TTC7B: variants seen among roughly 807,000 people sequenced by gnomAD.
The protein encoded by TTC7B is tetratricopeptide repeat domain 7B, also known as tetratricopeptide repeat protein 7B.
A neutral mutation model predicts 106.8 loss-of-function variants in TTC7B; 28 were observed. The ratio of observed to expected loss-of-function variants is 0.26; its 90% CI spans 0.19 to 0.36. The LOEUF is 0.36. Among genes scored for constraint, TTC7B ranks in the 10% least tolerant of loss-of-function variants. The pLI is 1.00. For missense variants in TTC7B, 862 were observed against 1,076.4 expected, an observed-to-expected ratio of 0.80 and a Z score of 2.79; for synonymous variants, 405 against 430.6, an observed-to-expected ratio of 0.94 and a Z score of 0.74.
intron 9 of TTC7B, among the ~76,000 whole-genome samples, chr14:90,673,063 CTAGAG>C (rs1327493252): frequency 6.6e-6 from 1 of 152,186 alleles, no homozygotes; most frequent in Non-Finnish European, 1.5e-5. Context: ...CTCTCTGACT[CTAGAG>C]CCTGTGACAC....
chr14:90,553,827 G>A (rs191822013), intron 19 of TTC7B, among the ~76,000 whole-genome samples: 6 of 152,322 alleles, frequency 3.9e-5, no homozygotes, highest in Admixed American at 2.0e-4. Flanking sequence ...TGAAGGCTCC[G>A]TTAAGCCCCA....
In TTC7B at chr14:90,539,712, T is replaced by A. The variant is rs1488544545; in HGVS notation, c.*1656A>T. On this transcript the variant is annotated 3_prime_UTR_variant, in exon 20 of 20. Coordinates refer to ENST00000328459, the MANE Select transcript of TTC7B (RefSeq NM_001010854.2). ...TGGAAAGGTGGGGCCACCCTACAGC[T>A]GTCCCTGAGAGACTGCAGATACCTG... 2.6e-5 allele frequency: 4 copies of A among 152,362 alleles called. No homozygotes were observed. The highest frequency in any genetic ancestry group is 5.9e-5 in the Non-Finnish European group (4 of 68,146). The allele number at this position is 152,362 out of a possible 1,614,324, so 9.4% of individuals were successfully genotyped here. A position where few individuals can be genotyped will look rare whatever the true frequency, so the allele number is the denominator to read the frequency against.
chr14:90,720,371 T>A (rs914637415), intron 5 of TTC7B, among the ~76,000 whole-genome samples: 1 of 152,218 alleles, frequency 6.6e-6, no homozygotes, highest in African/African-American at 2.4e-5. Flanking sequence ...TATAACGATC[T>A]GATTTCTCTC....
At chr14:90,793,695 A>G (rs28862994) in intron 1 of TTC7B, among the ~76,000 whole-genome samples, 105,411 of 147,730 alleles carry the variant, frequency 0.71, 41,227 homozygotes, top group Non-Finnish European at 0.87. Context: ...CGCAACCTCC[A>G]CCTCCTGGGT....
At chr14:90,566,420 A>G (rs1452020251) in intron 19 of TTC7B, among the ~76,000 whole-genome samples, 1 of 152,164 alleles carries the variant, frequency 6.6e-6, no homozygotes, top group Non-Finnish European at 1.5e-5. Flanking sequence ...GTAAAAAATG[A>G]GTATCTGCAA....
chr14:90,742,027 A>C lies in TTC7B; in HGVS notation c.576+2765T>G, dbSNP rs1053941493. 6.6e-6 allele frequency among the ~76,000 whole-genome samples: 1 copy of C among 152,206 alleles called. No homozygotes were observed. The highest frequency in any genetic ancestry group is 1.5e-5 in the Non-Finnish European group (1 of 68,038). ...CCTTAGGCTAAAGAAGCTGCTTCCCAAATGCTACCAAAAGCTAAAGCTTAC... is the reference window on the plus strand; with the variant it reads ...CCTTAGGCTAAAGAAGCTGCTTCCCCAATGCTACCAAAAGCTAAAGCTTAC... On this transcript the variant is annotated intron_variant, in intron 4 of 19. Transcript: ENST00000328459. The surrounding 1 kb of genome is among the most constrained non-coding windows in gnomAD (Gnocchi z 4.1).
At chr14:90,692,950 C>T (rs1887532505) in intron 6 of TTC7B, among the ~76,000 whole-genome samples, 1 of 151,746 alleles carries the variant, frequency 6.6e-6, no homozygotes, top group Non-Finnish European at 1.5e-5. Context: ...GTTGTCCATC[C>T]TGTCTCACCC....
chr14:90,611,908 A>G (rs1160341909), intron 16 of TTC7B, among the ~76,000 whole-genome samples: 1 of 152,208 alleles, frequency 6.6e-6, no homozygotes, highest in South Asian at 2.1e-4. Context: ...TGAATCTTCA[A>G]TGCTTTTCTT....
chr14:90,729,293 T>C (rs1452973925), intron 5 of TTC7B, among the ~76,000 whole-genome samples: 1 of 152,208 alleles, frequency 6.6e-6, no homozygotes, highest in East Asian at 1.9e-4. Flanking sequence ...AGCAACTCCA[T>C]TGTTCATTTT....
In TTC7B at chr14:90,780,470, A is replaced by AAAAGAAAG. The variant is rs34296215; in HGVS notation, c.445+260_445+267dup. ...AGGAAAGAAAAGAAAGAAAGAAAGA[A>AAAAGAAAG]AAAGAAAGAAAGAAAGAAAGGAAAG... On this transcript the variant is annotated intron_variant, in intron 3 of 19. Coordinates refer to ENST00000328459, the MANE Select transcript of TTC7B (RefSeq NM_001010854.2). Among the ~76,000 whole-genome samples, 1,462 of 146,468 alleles carry AAAAGAAAG rather than the reference A, an allele frequency of 1.0e-2. 43 individuals are homozygous for AAAAGAAAG. The highest frequency in any genetic ancestry group is 0.035 in the African/African-American group (1,320 of 38,034).
intron 7 of TTC7B, among the ~76,000 whole-genome samples, chr14:90,689,317 G>A (rs574293868): frequency 6.6e-6 from 1 of 152,332 alleles, no homozygotes; most frequent in Non-Finnish European, 1.5e-5. Flanking sequence ...CCCAAGCACT[G>A]AGATGAGAGC....
chr14:90,727,129 G>T (rs939867059), intron 5 of TTC7B, among the ~76,000 whole-genome samples: 2 of 152,192 alleles, frequency 1.3e-5, no homozygotes, highest in Admixed American at 6.5e-5. Context: ...AGGAGAAAGA[G>T]ATGCTTTGTG....
At chr14:90,694,739 T>C in intron 6 of TTC7B, among the ~76,000 whole-genome samples, 1 of 128,314 alleles carries the variant, frequency 7.8e-6, no homozygotes, top group Admixed American at 8.6e-5. Context: ...TTATATACAT[T>C]TTATTTTATA....
chr14:90,715,031 G>C lies in TTC7B; in HGVS notation c.698+15044C>G, dbSNP rs548667654. 4.6e-5 allele frequency among the ~76,000 whole-genome samples: 7 copies of C among 152,204 alleles called. No homozygotes were observed. In the South Asian group the frequency reaches 1.5e-3, roughly 32 times the overall value. ...TGAGTCAGTTTCAAGTCATCAGAAG[G>C]GCCTGACTGCTCTGGCCCCTTAGAC... On this transcript the variant is annotated intron_variant, in intron 5 of 19. Coordinates refer to ENST00000328459, the MANE Select transcript of TTC7B (RefSeq NM_001010854.2).
intron 15 of TTC7B, chr14:90,642,570 C>G (rs1302447109): frequency 6.6e-6 from 1 of 152,192 alleles, no homozygotes; most frequent in Non-Finnish European, 1.5e-5. Context: ...AACCTTCCAG[C>G]GTGCAGGAAT....
intron 19 of TTC7B, among the ~76,000 whole-genome samples, chr14:90,568,795 AG>A (rs1890901896): frequency 6.6e-6 from 1 of 152,218 alleles, no homozygotes; most frequent in African/African-American, 2.4e-5. Context: ...GTAACCAAAC[AG>A]GAGTCATGTG....
chr14:90,548,387 T>C (rs1889927697), intron 19 of TTC7B, among the ~76,000 whole-genome samples: 2 of 152,192 alleles, frequency 1.3e-5, no homozygotes, highest in South Asian at 4.1e-4. Context: ...CTTAAGGCAG[T>C]GTTGTCAGGT....
At position 90,802,978 on chromosome 14, in the gene TTC7B, A is replaced by AAG. The variant is rs1294248756; in HGVS notation, c.121+13196_121+13197insCT. ...GAAACCCCATCTCTGCTAAAAAAAA[A>AAG]AAAAAATACAAAAAATTAGCTGGAT... On this transcript the variant is annotated intron_variant, in intron 1 of 19. Transcript: ENST00000328459. The surrounding 1 kb of genome is among the most constrained non-coding windows in gnomAD (Gnocchi z 4.7). Among the ~76,000 whole-genome samples the AAG allele has an allele frequency of 6.6e-6, 1 of 151,352 alleles. No homozygotes were observed. The highest frequency in any genetic ancestry group is 1.9e-4 in the East Asian group (1 of 5,148).
rs1349771728 is a variant in TTC7B at position 90,525,324 on chromosome 14, G to T, written c.*16044C>A. On this transcript the variant is annotated 3_prime_UTR_variant, in exon 20 of 20. Coordinates refer to ENST00000328459, the MANE Select transcript of TTC7B (RefSeq NM_001010854.2). ...CAATTCGCTTCTCCTTTGATCTGTT[G>T]GTGGACATTTGGATTGTGATCAGTT... is the stretch of plus-strand genomic sequence containing the variant. 6.6e-6 allele frequency: 1 copy of T among 152,206 alleles called. No homozygotes were observed. The highest frequency in any genetic ancestry group is 1.5e-5 in the Non-Finnish European group (1 of 68,052). The allele number at this position is 152,206 out of a possible 1,614,324, so 9.4% of individuals were successfully genotyped here. A position where few individuals can be genotyped will look rare whatever the true frequency, so the allele number is the denominator to read the frequency against.
Sources: gnomAD v4.1 joint callset for allele counts (sites outside exome capture counted in the v4.1 genomes callset) on GRCh38, gnomAD v4.1.1 for gene constraint, Gnocchi (gnomAD v3.1) non-coding constraint, MANE v1.5 for transcripts, NCBI Gene and HGNC (gene_info 2026-07-23, HGNC 2026-07-21) for gene names.